The following CADPS variants were observed in gnomAD, a reference collection of about 807,000 sequenced individuals.
CADPS encodes the protein calcium-dependent secretion activator 1.
In CADPS, 57 loss-of-function variants were observed where a neutral mutation model predicts 167.3. The observed-to-expected ratio is 0.34, with a 90% confidence interval of 0.28 to 0.42. The LOEUF (loss-of-function observed/expected upper bound fraction) is 0.42, where lower values mean the gene tolerates loss of function less well. CADPS is among the 20% of genes least tolerant of loss of function. The pLI, the probability that CADPS is intolerant of heterozygous loss-of-function variation, is 1.00. For synonymous variants in CADPS, 676 were observed against 635.3 expected, an observed-to-expected ratio of 1.06 and a Z score of -0.96; for missense variants, 1,414 against 1,738.1, an observed-to-expected ratio of 0.81 and a Z score of 3.32.
At chr3:62,507,145 T>C (rs1050447089) in intron 17 of CADPS, among the ~76,000 whole-genome samples, 3 of 152,280 alleles carry the variant, frequency 2.0e-5, no homozygotes, top group Admixed American at 6.5e-5. Context: ...TGCCACAAGC[T>C]GTCTTGGGCG....
intron 1 of CADPS, among the ~76,000 whole-genome samples, chr3:62,829,630 C>G (rs956757922): frequency 6.6e-6 from 1 of 152,054 alleles, no homozygotes; most frequent in Non-Finnish European, 1.5e-5. Context: ...TATCAAAGTG[C>G]AGCATTCACC....
At chr3:62,576,626 A>C (rs2082314179) in intron 8 of CADPS, among the ~76,000 whole-genome samples, 1 of 18,494 alleles carries the variant, frequency 5.4e-5, no homozygotes, top group Admixed American at 8.1e-4. Flanking sequence ...ACCCATTTCT[A>C]CTGAAAAAAA....
intron 16 of CADPS, among the ~76,000 whole-genome samples, chr3:62,513,076 GAGGACA>G (rs1346193355): frequency 6.6e-6 from 1 of 152,096 alleles, no homozygotes; most frequent in Non-Finnish European, 1.5e-5. Context: ...GCAAAGTTTA[GAGGACA>G]AGGACAAGTC....
intron 17 of CADPS, among the ~76,000 whole-genome samples, chr3:62,501,016 C>A (rs1363940173): frequency 2.0e-5 from 3 of 152,108 alleles, no homozygotes; most frequent in Admixed American, 6.6e-5. Flanking sequence ...GGCCTGAGGG[C>A]TAGTGTGAAA....
intron 1 of CADPS, among the ~76,000 whole-genome samples, chr3:62,836,857 A>T (rs565862779): frequency 6.6e-6 from 1 of 152,230 alleles, no homozygotes; most frequent in African/African-American, 2.4e-5. Context: ...TTCTTTTGAT[A>T]AAAGAAAGAA....
At chr3:62,681,293 C>T (rs183468436) in intron 3 of CADPS, among the ~76,000 whole-genome samples, 7 of 152,172 alleles carry the variant, frequency 4.6e-5, no homozygotes, top group Non-Finnish European at 4.4e-5. Context: ...TATGCCCTCT[C>T]CATCACAGAA....
At chr3:62,872,402 G>GAT (rs749451776) in intron 1 of CADPS, among the ~76,000 whole-genome samples, 91 of 151,706 alleles carry the variant, frequency 6.0e-4, no homozygotes, top group Middle Eastern at 3.4e-3. Context: ...GTAATAAGGA[G>GAT]ATATATATAT....
chr3:62,546,127 ATT>A (rs75526981), intron 11 of CADPS, among the ~76,000 whole-genome samples: 2 of 143,584 alleles, frequency 1.4e-5, no homozygotes, highest in African/African-American at 2.5e-5. Flanking sequence ...GCAATACTTG[ATT>A]TTTTTTTTTT....
intron 1 of CADPS, among the ~76,000 whole-genome samples, chr3:62,782,462 G>A (rs2091814332): frequency 6.6e-6 from 1 of 152,142 alleles, no homozygotes; most frequent in African/African-American, 2.4e-5. Context: ...CGATCATGAG[G>A]CCCAATGGAT....
chr3:62,866,539 T>C (rs1028862734), intron 1 of CADPS, among the ~76,000 whole-genome samples: 1 of 151,990 alleles, frequency 6.6e-6, no homozygotes, highest in Admixed American at 6.6e-5. Context: ...TAAGGACTTA[T>C]GGCAATACTT....
At chr3:62,527,359 C>G (rs1488671177) in intron 13 of CADPS, among the ~76,000 whole-genome samples, 1 of 152,080 alleles carries the variant, frequency 6.6e-6, no homozygotes, top group African/African-American at 2.4e-5. Flanking sequence ...ATATCCCTAG[C>G]CTCTACTTAC....
intron 6 of CADPS, among the ~76,000 whole-genome samples, chr3:62,631,401 T>A (rs1385161632): frequency 6.6e-6 from 1 of 152,198 alleles, no homozygotes; most frequent in African/African-American, 2.4e-5. Context: ...AAAGGACTTA[T>A]ACTGTTACTA....
At chr3:62,551,985 T>C (rs2077384680) in intron 10 of CADPS, among the ~76,000 whole-genome samples, 1 of 152,142 alleles carries the variant, frequency 6.6e-6, no homozygotes, top group Non-Finnish European at 1.5e-5. Flanking sequence ...GCTTCATAAG[T>C]GCAGGTAGTT....
intron 28 of CADPS, among the ~76,000 whole-genome samples, chr3:62,437,753 T>G (rs1267173764): frequency 1.3e-5 from 2 of 152,088 alleles, no homozygotes; most frequent in Non-Finnish European, 2.9e-5. Flanking sequence ...GATGAGAATA[T>G]CTCCCTAAAG....
chr3:62,648,337 A>G (rs1017093230), intron 5 of CADPS, among the ~76,000 whole-genome samples: 1 of 152,194 alleles, frequency 6.6e-6, no homozygotes, highest in Non-Finnish European at 1.5e-5. Context: ...GTCTACATCT[A>G]TATTTCAGAT....
intron 22 of CADPS, among the ~76,000 whole-genome samples, chr3:62,480,584 C>T (rs1353210005): frequency 6.6e-6 from 1 of 152,130 alleles, no homozygotes; most frequent in Non-Finnish European, 1.5e-5. Flanking sequence ...TGTCCTCCAC[C>T]TGGATTACTG....
intron 2 of CADPS, among the ~76,000 whole-genome samples, chr3:62,754,899 G>C (rs1340238154): frequency 6.6e-6 from 1 of 152,132 alleles, no homozygotes; most frequent in African/African-American, 2.4e-5. Context: ...TTAATTGAAA[G>C]TATACAAGTA....
chr3:62,694,334 T>C (rs540148261), intron 3 of CADPS, among the ~76,000 whole-genome samples: 2 of 152,274 alleles, frequency 1.3e-5, no homozygotes, highest in Non-Finnish European at 1.5e-5. Context: ...ATTTATCTTA[T>C]TGGTGCATTT....
rs955680439 is a variant in CADPS at position 62,601,365 on chromosome 3, C to T, written c.1326-8617G>A. On this transcript the variant is annotated intron_variant, in intron 6 of 29. Coordinates refer to ENST00000383710, the MANE Select transcript of CADPS (RefSeq NM_003716.4). This position sits in a 1 kb window ranked among gnomAD's most constrained non-coding sequence, Gnocchi z 4.3. ...GACAGAGAATATAGGGCCAACAAAC[C>T]GAAAATTTTTACTTTCTGGTCCTTT... Among the ~76,000 whole-genome samples the T allele has an allele frequency of 1.1e-4, 17 of 152,106 alleles. No individual in the cohort carries two copies. Among genetic ancestry groups the T allele is most frequent in the African/African-American group, 1.2e-4 (5 of 41,416 alleles).
Sources: allele counts gnomAD v4.1 joint callset (sites outside exome capture counted in the v4.1 genomes callset), GRCh38; gene constraint gnomAD v4.1.1; non-coding constraint Gnocchi (gnomAD v3.1); transcripts MANE v1.5; gene names NCBI Gene and HGNC (gene_info 2026-07-23, HGNC 2026-07-21).